The following TMCC1 variants were observed in gnomAD, a reference collection of about 807,000 sequenced individuals.
The protein encoded by TMCC1 is transmembrane and coiled-coil domain family 1.
A neutral mutation model predicts 52.4 loss-of-function variants in TMCC1; 15 were observed. The observed-to-expected ratio is 0.29, with a 90% CI of 0.19 to 0.44. The LOEUF is 0.44. Among genes scored for constraint, TMCC1 ranks in the 20% least tolerant of loss-of-function variants. The probability of loss-of-function intolerance (pLI) is 1.00; values close to 1 mark genes in which losing one functional copy is unlikely to be tolerated. For synonymous variants in TMCC1, 279 were observed against 301.9 expected (o/e 0.92, Z 0.79); for missense variants, 503 against 806.0 (o/e 0.62, Z 4.55).
intron 2 of TMCC1, among the ~76,000 whole-genome samples, chr3:129,839,846 C>T (rs1437847549): frequency 3.3e-5 from 5 of 151,942 alleles, no homozygotes; most frequent in Non-Finnish European, 5.9e-5. Flanking sequence ...AATTATGCCA[C>T]TGTACTCCAG....
chr3:129,683,780 G>C (rs147593860), intron 4 of TMCC1, among the ~76,000 whole-genome samples: 158 of 151,942 alleles, frequency 1.0e-3, no homozygotes, highest in African/African-American at 3.4e-3. Context: ...GTCTATTACT[G>C]CCCTGAATAA....
chr3:129,797,253 G>T (rs2056891074), intron 4 of TMCC1, among the ~76,000 whole-genome samples: 1 of 151,980 alleles, frequency 6.6e-6, no homozygotes. Context: ...ATGAATCCGG[G>T]AAGCGGAGCT....
chr3:129,875,695 AT>A (rs968974214), intron 2 of TMCC1, among the ~76,000 whole-genome samples: 7 of 151,612 alleles, frequency 4.6e-5, no homozygotes, highest in African/African-American at 1.2e-4. Flanking sequence ...AGCAATACAT[AT>A]TTTTTTTAAT....
intron 4 of TMCC1, among the ~76,000 whole-genome samples, chr3:129,801,805 C>T (rs1576906567): frequency 1.3e-5 from 2 of 152,296 alleles, no homozygotes; most frequent in African/African-American, 2.4e-5. Context: ...ACTCAAGATT[C>T]GGCCTAAATT....
rs558876062 is a variant in TMCC1, at chr3:129,889,115, T to C, written c.-435+4379A>G. Among the ~76,000 whole-genome samples the C allele has an allele frequency of 3.3e-5, 5 of 151,924 alleles. No individual in the cohort carries two copies. In the East Asian group the frequency reaches 9.7e-4, roughly 29 times the overall value. On this transcript the variant is annotated intron_variant, in intron 1 of 6. Transcript: ENST00000393238. ...GGTGAAACCCCATCTCTACAAAAAG[T>C]ACAAAAATTAGCAGAGCATGATGGC...
chr3:129,833,514 G>A (rs1037921734), intron 2 of TMCC1, among the ~76,000 whole-genome samples: 30 of 152,258 alleles, frequency 2.0e-4, no homozygotes, highest in African/African-American at 5.1e-4. Context: ...AGATTACAGC[G>A]AGCTATGGCT....
rs1176410171 is a variant in TMCC1 at position 129,851,497 on chromosome 3, G to T, written c.-183-18671C>A. ...TCAGTCTATTTTAATTTTCAAAGAT[G>T]GAAAAAATAAGAAAATATTCAGATA... is the stretch of plus-strand genomic sequence containing the variant. On this transcript the variant is annotated intron_variant, in intron 2 of 6. Transcript: ENST00000393238. Among the ~76,000 whole-genome samples the T allele has an allele frequency of 2.6e-5, 4 of 152,070 alleles. No homozygotes were observed. The South Asian group carries it at 8.3e-4, about 31-fold the overall frequency.
chr3:129,770,279 G>A (rs1403250054), intron 4 of TMCC1, among the ~76,000 whole-genome samples: 1 of 152,212 alleles, frequency 6.6e-6, no homozygotes, highest in Non-Finnish European at 1.5e-5. Context: ...ACTTTGGGAG[G>A]CTGAGGCAGG....
intron 3 of TMCC1, among the ~76,000 whole-genome samples, chr3:129,829,691 G>A (rs899848326): frequency 2.0e-5 from 3 of 152,120 alleles, no homozygotes; most frequent in Non-Finnish European, 4.4e-5. Context: ...AACAATTTAA[G>A]CCACTACCAA....
chr3:129,798,328 T>C (rs1391173204), intron 4 of TMCC1, among the ~76,000 whole-genome samples: 1 of 152,060 alleles, frequency 6.6e-6, no homozygotes, highest in Non-Finnish European at 1.5e-5. Flanking sequence ...AGAGTACCAG[T>C]ACCTCCATTT....
At position 129,651,804 on chromosome 3, in the gene TMCC1, C is replaced by T; in HGVS notation, c.1648-9G>A. 1 of 1,610,352 alleles carries T rather than the reference C, an allele frequency of 6.2e-7. No individual in the cohort carries two copies. The highest frequency in any genetic ancestry group is 8.5e-7 in the Non-Finnish European group (1 of 1,178,018). On this transcript the variant is annotated splice_polypyrimidine_tract_variant and intron_variant, in intron 6 of 6. Coordinates refer to ENST00000393238, the MANE Select transcript of TMCC1 (RefSeq NM_001017395.5). This position sits in a 1 kb window ranked among gnomAD's most constrained non-coding sequence, Gnocchi z 5.1. Reference sequence around the variant, plus strand: ...CATGCCTCCAGGGCCTCCTGTGGGCCAGAACAGGGAAGAGTTAAGCCTTCT... The same window carrying T: ...CATGCCTCCAGGGCCTCCTGTGGGCTAGAACAGGGAAGAGTTAAGCCTTCT...
intron 4 of TMCC1, among the ~76,000 whole-genome samples, chr3:129,685,239 G>A (rs1392580299): frequency 6.6e-6 from 1 of 152,012 alleles, no homozygotes; most frequent in Non-Finnish European, 1.5e-5. Flanking sequence ...AATTAGCCAG[G>A]TTTGGTGGGG....
intron 4 of TMCC1, among the ~76,000 whole-genome samples, chr3:129,712,173 T>C (rs2048751359): frequency 6.6e-6 from 1 of 152,092 alleles, no homozygotes; most frequent in Admixed American, 6.6e-5. Context: ...CGAGACTCTT[T>C]CTCAAAATAA....
At chr3:129,759,710 C>CTTTTTTTTTT (rs61519484) in intron 4 of TMCC1, among the ~76,000 whole-genome samples, 1 of 37,194 alleles carries the variant, frequency 2.7e-5, no homozygotes, top group African/African-American at 1.1e-4. Flanking sequence ...GCCAGCCAAA[C>CTTTTTTTTTT]TTTTTTTTTT....
At chr3:129,656,246 G>A (rs2108849496) in intron 5 of TMCC1, among the ~76,000 whole-genome samples, 1 of 152,312 alleles carries the variant, frequency 6.6e-6, no homozygotes, top group Non-Finnish European at 1.5e-5. Flanking sequence ...ACTAGAAAAG[G>A]GAAGAATAAA....
intron 2 of TMCC1, among the ~76,000 whole-genome samples, chr3:129,838,002 T>A (rs2059242042): frequency 6.6e-6 from 1 of 152,112 alleles, no homozygotes; most frequent in East Asian, 1.9e-4. Flanking sequence ...CTGGAGAACA[T>A]ACAACAGCTG....
At chr3:129,690,423 CT>C (rs982098301) in intron 4 of TMCC1, among the ~76,000 whole-genome samples, 3 of 151,958 alleles carry the variant, frequency 2.0e-5, no homozygotes, top group Non-Finnish European at 2.9e-5. Flanking sequence ...AGTATTTAAT[CT>C]TTTGTAAGAT....
At chr3:129,665,366 T>C (rs1398748131) in intron 5 of TMCC1, among the ~76,000 whole-genome samples, 1 of 152,192 alleles carries the variant, frequency 6.6e-6, no homozygotes, top group African/African-American at 2.4e-5. Context: ...CTATCTTCAC[T>C]TGGAGCTACT....
chr3:129,877,267 TC>T (rs2061258316), intron 2 of TMCC1, among the ~76,000 whole-genome samples: 1 of 152,204 alleles, frequency 6.6e-6, no homozygotes, highest in African/African-American at 2.4e-5. Flanking sequence ...TAGTTAATTC[TC>T]AGCCCTCATC....
Sources: allele counts gnomAD v4.1 joint callset (sites outside exome capture counted in the v4.1 genomes callset), GRCh38; gene constraint gnomAD v4.1.1; non-coding constraint Gnocchi (gnomAD v3.1); transcripts MANE v1.5; gene names NCBI Gene and HGNC (gene_info 2026-07-23, HGNC 2026-07-21).